The following MATR3 variants were observed in gnomAD, a reference collection of about 807,000 sequenced individuals.
The protein encoded by MATR3 is matrin-3.
Under a neutral mutation model 85.5 loss-of-function variants are expected in MATR3, and 4 were observed. The ratio of observed to expected loss-of-function variants is 0.05; its 90% CI spans 0.02 to 0.11. The LOEUF is 0.11. Among genes scored for constraint, MATR3 ranks in the 10% least tolerant of loss-of-function variants. The pLI is 1.00. For missense variants in MATR3, 685 were observed against 1,016.1 expected, an observed-to-expected ratio of 0.67 and a Z score of 4.43; for synonymous variants, 336 against 343.1, an observed-to-expected ratio of 0.98 and a Z score of 0.23.
At chr5:139,320,743 C>CTTTTTTTTTT (rs1175972721) in intron 9 of MATR3, among the ~76,000 whole-genome samples, 1 of 102,418 alleles carries the variant, frequency 9.8e-6, no homozygotes, top group Non-Finnish European at 1.8e-5. Context: ...AAGCTTATTA[C>CTTTTTTTTTT]TTTTTTTTTT....
At chr5:139,277,944 T>C (rs185966073) in intron 2 of MATR3, among the ~76,000 whole-genome samples, 3 of 152,154 alleles carry the variant, frequency 2.0e-5, no homozygotes, top group Admixed American at 1.3e-4. Context: ...TTTTGAAATA[T>C]ACAGGCCAGG....
At chr5:139,319,230 C>T in intron 8 of MATR3, 104 bp from the exon 9 acceptor site, 1 of 1,359,424 alleles carries the variant, frequency 7.4e-7, no homozygotes, top group Non-Finnish European at 1.0e-6. Flanking sequence ...ATAGCAAGAC[C>T]TCGTCTCTAT....
At chr5:139,320,765 T>G (rs1755520580) in intron 9 of MATR3, among the ~76,000 whole-genome samples, 1 of 122,492 alleles carries the variant, frequency 8.2e-6, no homozygotes, top group East Asian at 3.0e-4. Flanking sequence ...TTTTTTTTTT[T>G]GAGACAGAGT....
intron 3 of MATR3, among the ~76,000 whole-genome samples, chr5:139,285,681 A>ATTTTT (rs1753679985): frequency 1.3e-5 from 2 of 152,208 alleles, no homozygotes; most frequent in African/African-American, 4.8e-5. Context: ...CTCAAAAAAA[A>ATTTTT]GAATTAAATG....
intron 12 of MATR3, among the ~76,000 whole-genome samples, chr5:139,323,859 C>T (rs1057028468): frequency 4.6e-5 from 7 of 152,048 alleles, no homozygotes; most frequent in Non-Finnish European, 5.9e-5. Context: ...TCACTGTACT[C>T]CAGCCTGGGT....
In MATR3 at chr5:139,330,889, C is replaced by T. The variant is rs1018169266; in HGVS notation, c.*1494C>T. On this transcript the variant is annotated 3_prime_UTR_variant, in exon 15 of 15. Coordinates refer to ENST00000394805, the MANE Select transcript of MATR3 (RefSeq NM_018834.6). Reference sequence around the variant, plus strand: ...TCTCTGCAACCTCAGCCTTTGGGCTCAAATGACCCTCCTACCTCAGTCTCC... The same window carrying T: ...TCTCTGCAACCTCAGCCTTTGGGCTTAAATGACCCTCCTACCTCAGTCTCC... 2.0e-5 allele frequency: 9 copies of T among 453,850 alleles called. No homozygotes were observed. Among genetic ancestry groups the T allele is most frequent in the Admixed American group, 9.4e-5 (4 of 42,540 alleles). 28.1% of individuals were successfully genotyped at this position (453,850 alleles called of 1,614,324 possible).
intron 2 of MATR3, 156 bp from the exon 3 acceptor site, chr5:139,314,519 A>G: frequency 1.5e-6 from 1 of 659,846 alleles, no homozygotes; most frequent in South Asian, 1.6e-5. Context: ...GATTCAGAGA[A>G]ATGGTTTTAA....
chr5:139,329,840 T>C lies in MATR3; in HGVS notation c.*445T>C, dbSNP rs1439216330. 1 of 454,512 alleles carries C rather than the reference T, an allele frequency of 2.2e-6. No individual in the cohort carries two copies. The highest frequency in any genetic ancestry group is 4.4e-6 in the Non-Finnish European group (1 of 226,832). The allele number at this position is 454,512 out of a possible 1,614,324, so 28.2% of individuals were successfully genotyped here. A position where few individuals can be genotyped will look rare whatever the true frequency, so the allele number is the denominator to read the frequency against. ...AATCTGAGCCTTGCAGACTTTCATT[T>C]GGAGTTTGAACCCGTTTTGGTTGCA... On this transcript the variant is annotated 3_prime_UTR_variant, in exon 15 of 15. Transcript: ENST00000394805.
At chr5:139,315,936 CTT>C in intron 4 of MATR3, 138 bp from the exon 5 acceptor site, 1 of 789,308 alleles carries the variant, frequency 1.3e-6, no homozygotes, top group Admixed American at 2.1e-5. Flanking sequence ...TTAATGTAGA[CTT>C]TGACCTAGTT....
At chr5:139,304,444 G>A (rs1754607122) in intron 1 of MATR3, among the ~76,000 whole-genome samples, 1 of 151,110 alleles carries the variant, frequency 6.6e-6, no homozygotes, top group South Asian at 2.1e-4. Flanking sequence ...AGGTTGCAGT[G>A]AGCTGAGATC....
intron 1 of MATR3, among the ~76,000 whole-genome samples, chr5:139,296,071 T>G (rs1426515460): frequency 6.6e-6 from 1 of 152,166 alleles, no homozygotes; most frequent in Non-Finnish European, 1.5e-5. Context: ...AGATGTTGAT[T>G]CAGACTCCTT....
intron 1 of MATR3, among the ~76,000 whole-genome samples, chr5:139,295,986 G>A (rs1754128303): frequency 6.6e-6 from 1 of 152,116 alleles, no homozygotes; most frequent in Admixed American, 6.6e-5. Context: ...ACCACACCAA[G>A]CTAATTTTTT....
At chr5:139,297,033 G>C (rs1394409654) in intron 1 of MATR3, among the ~76,000 whole-genome samples, 1 of 152,128 alleles carries the variant, frequency 6.6e-6, no homozygotes, top group East Asian at 1.9e-4. Context: ...TTAGCCGGGC[G>C]TGGTGGCAGG....
At chr5:139,325,054 G>A (rs965709256) in intron 12 of MATR3, among the ~76,000 whole-genome samples, 3 of 152,036 alleles carry the variant, frequency 2.0e-5, no homozygotes, top group East Asian at 1.9e-4. Flanking sequence ...TTAGCCGGGC[G>A]TGGTGGCGTG....
chr5:139,320,720 ATT>A (rs1490146956), intron 9 of MATR3, among the ~76,000 whole-genome samples: 1 of 139,892 alleles, frequency 7.1e-6, no homozygotes, highest in Non-Finnish European at 1.6e-5. Flanking sequence ...TTCTTACACT[ATT>A]TTAATATCTT....
chr5:139,298,447 C>G (rs1242668437), intron 1 of MATR3, among the ~76,000 whole-genome samples: 1 of 152,132 alleles, frequency 6.6e-6, no homozygotes, highest in East Asian at 1.9e-4. Context: ...TGGCGCGTTC[C>G]TGTAATTCCA....
intron 1 of MATR3, chr5:139,276,065 C>T: frequency 4.4e-6 from 2 of 456,730 alleles, no homozygotes; most frequent in South Asian, 1.5e-5. Context: ...GGGAGGGACT[C>T]TGAGCTGCAC....
intron 1 of MATR3, among the ~76,000 whole-genome samples, chr5:139,303,444 G>A (rs928714576): frequency 2.0e-5 from 3 of 152,212 alleles, no homozygotes; most frequent in Non-Finnish European, 4.4e-5. Context: ...ACAGTTGAGA[G>A]CATAGCTGAA....
Position 139,317,239 on chromosome 5 carries a change from T to C in MATR3, c.1182+134T>C, listed in dbSNP as rs1581247891. On this transcript the variant is annotated intron_variant, in intron 6 of 14. Transcript: ENST00000394805. ...TGTAATTTGAAAACAATCACGTTTT[T>C]CTATGGCTTTGATAACAGTTAAAAC... is the stretch of plus-strand genomic sequence containing the variant. 1.4e-5 allele frequency: 13 copies of C among 935,540 alleles called. No individual in the cohort carries two copies. In the East Asian group the frequency reaches 3.4e-4, roughly 25 times the overall value. The allele number at this position is 935,540 out of a possible 1,614,324, so 58.0% of individuals were successfully genotyped here.
Sources: allele counts gnomAD v4.1 joint callset (sites outside exome capture counted in the v4.1 genomes callset), GRCh38; gene constraint gnomAD v4.1.1; transcripts MANE v1.5; gene names NCBI Gene and HGNC (gene_info 2026-07-23, HGNC 2026-07-21).